Variants in FILIP1L observed in about 807,000 individuals in gnomAD.
The protein encoded by FILIP1L is filamin A interacting protein 1 like.
In FILIP1L, 55 loss-of-function variants were observed where a neutral mutation model predicts 96.6. That is an observed-to-expected ratio of 0.57 (90% CI 0.46 to 0.71). FILIP1L has a LOEUF of 0.71. Among genes scored for constraint, FILIP1L ranks in the 30% least tolerant of loss-of-function variants. The pLI is 0.00. For synonymous variants in FILIP1L, 467 were observed against 473.9 expected (o/e 0.99, Z 0.19); for missense variants, 1,304 against 1,321.2 (o/e 0.99, Z 0.20).
At chr3:99,892,941 A>G (rs1257236528) in intron 4 of FILIP1L, among the ~76,000 whole-genome samples, 1 of 152,222 alleles carries the variant, frequency 6.6e-6, no homozygotes, top group Non-Finnish European at 1.5e-5. Context: ...TTCACAAAGA[A>G]GATGAGGCCC....
At chr3:99,832,672 G>A (rs985903988) in intron 5 of FILIP1L, among the ~76,000 whole-genome samples, 1 of 148,052 alleles carries the variant, frequency 6.8e-6, no homozygotes, top group Non-Finnish European at 1.5e-5. Flanking sequence ...GTGAAACCCT[G>A]TCTCTACTGA....
chr3:99,892,790 G>A (rs1706126467), intron 4 of FILIP1L, among the ~76,000 whole-genome samples: 1 of 152,194 alleles, frequency 6.6e-6, no homozygotes, highest in Admixed American at 6.5e-5. Flanking sequence ...GAAAGAGAAT[G>A]ACATAACTAG....
intron 1 of FILIP1L, among the ~76,000 whole-genome samples, chr3:99,980,135 A>C (rs1373827962): frequency 2.6e-5 from 4 of 152,292 alleles, no homozygotes; most frequent in Middle Eastern, 3.4e-3. Context: ...CTATATAGTG[A>C]GACATGCAGT....
intron 1 of FILIP1L, among the ~76,000 whole-genome samples, chr3:99,939,372 G>A (rs145374993): frequency 4.6e-5 from 7 of 152,332 alleles, no homozygotes; most frequent in East Asian, 1.9e-4. Flanking sequence ...TCTTGCCACA[G>A]TGTAGTCCTT....
At chr3:100,094,674 CTTTTTTTTTTTTT>C (rs71132509) in intron 1 of FILIP1L, among the ~76,000 whole-genome samples, 12 of 57,010 alleles carry the variant, frequency 2.1e-4, no homozygotes, top group Admixed American at 8.1e-4. Flanking sequence ...GAAAAGCTGC[CTTTTTTTTTTTTT>C]TTTTTTTTTT....
At chr3:100,006,231 T>G (rs1473196111) in intron 1 of FILIP1L, among the ~76,000 whole-genome samples, 1 of 152,144 alleles carries the variant, frequency 6.6e-6, no homozygotes, top group Non-Finnish European at 1.5e-5. Flanking sequence ...ACCCAAACTG[T>G]TTTCCCCAGC....
chr3:99,995,380 C>A (rs1051851380), intron 1 of FILIP1L, among the ~76,000 whole-genome samples: 4 of 152,210 alleles, frequency 2.6e-5, no homozygotes, highest in Non-Finnish European at 4.4e-5. Flanking sequence ...GGCAGCTCAG[C>A]CCCTGTGGCT....
intron 5 of FILIP1L, among the ~76,000 whole-genome samples, chr3:99,846,403 A>G (rs1943366910): frequency 6.6e-6 from 1 of 152,248 alleles, no homozygotes; most frequent in South Asian, 2.1e-4. Context: ...AACTAGAAAA[A>G]GATCTCATGA....
chr3:99,883,149 T>C (rs532437875), intron 4 of FILIP1L, among the ~76,000 whole-genome samples: 5 of 152,214 alleles, frequency 3.3e-5, no homozygotes, highest in Non-Finnish European at 1.5e-5. Context: ...AACTTCAGTG[T>C]TTTATCTAAG....
chr3:99,856,484 C>G (rs1943973034), intron 4 of FILIP1L, among the ~76,000 whole-genome samples: 1 of 152,142 alleles, frequency 6.6e-6, no homozygotes, highest in African/African-American at 2.4e-5. Flanking sequence ...AGTGAATCCG[C>G]TCCAATAAAA....
intron 1 of FILIP1L, among the ~76,000 whole-genome samples, chr3:99,965,653 G>A (rs1003483607): frequency 4.6e-5 from 7 of 152,148 alleles, no homozygotes; most frequent in East Asian, 1.9e-4. Flanking sequence ...TGGCCAACTC[G>A]GAGATTCATT....
chr3:99,930,676 C>T, intron 2 of FILIP1L, 93 bp downstream of exon 2: 1 of 1,377,028 alleles, frequency 7.3e-7, no homozygotes, highest in Non-Finnish European at 1.0e-6. Flanking sequence ...CATGTATGAA[C>T]CACAGATATC....
chr3:99,876,211 C>T, intron 4 of FILIP1L: 1 of 985,404 alleles, frequency 1.0e-6, no homozygotes, highest in Non-Finnish European at 1.2e-6. Flanking sequence ...ATGGGCGTTA[C>T]GTCACTGTTC....
intron 1 of FILIP1L, among the ~76,000 whole-genome samples, chr3:100,091,362 T>C (rs2066106556): frequency 6.6e-6 from 1 of 152,144 alleles, no homozygotes. Flanking sequence ...TATGTTCACC[T>C]TCTTCTTCCA....
intron 1 of FILIP1L, among the ~76,000 whole-genome samples, chr3:99,998,487 G>A (rs1709746229): frequency 6.6e-6 from 1 of 152,158 alleles, no homozygotes; most frequent in African/African-American, 2.4e-5. Flanking sequence ...GCACAATTTG[G>A]TAAAGGGAAG....
chr3:100,074,674 G>A (rs1202656960), intron 1 of FILIP1L, among the ~76,000 whole-genome samples: 1 of 25,110 alleles, frequency 4.0e-5, no homozygotes, highest in South Asian at 1.3e-3. Flanking sequence ...TGCAACATTT[G>A]ATTTTTTTTT....
At chr3:99,885,075 C>G (rs1326259445) in intron 4 of FILIP1L, among the ~76,000 whole-genome samples, 1 of 152,192 alleles carries the variant, frequency 6.6e-6, no homozygotes, top group South Asian at 2.1e-4. Context: ...CAGCAGTCAA[C>G]TATAGGCTCA....
chr3:99,850,755 G>A lies in FILIP1L; in HGVS notation c.921C>T (p.Asp307=). ...TQTTKFHQDQ[D]TIMAKLTNED... is the part of the protein sequence containing the mutation. Reference sequence around the variant, plus strand: ...CATTGGTGAGCTTCGCCATAATTGTGTCTTGGTCTTGGTGAAACTTTGTGG... The same window carrying A: ...CATTGGTGAGCTTCGCCATAATTGTATCTTGGTCTTGGTGAAACTTTGTGG... Residue 307 remains aspartate (D), a synonymous_variant, in exon 5 of 6, where the codon GAC becomes GAT. Transcript: ENST00000477258. 6.2e-7 allele frequency: 1 copy of A among 1,614,170 alleles called. No individual in the cohort carries two copies. The highest frequency in any genetic ancestry group is 8.5e-7 in the Non-Finnish European group (1 of 1,180,022).
intron 1 of FILIP1L, among the ~76,000 whole-genome samples, chr3:100,096,395 TGTG>T (rs1193364066): frequency 6.6e-6 from 1 of 152,146 alleles, no homozygotes; most frequent in African/African-American, 2.4e-5. Context: ...ATAAAGAAAA[TGTG>T]GTACTTAAAC....
Sources: gnomAD v4.1 joint callset for allele counts (sites outside exome capture counted in the v4.1 genomes callset) on GRCh38, gnomAD v4.1.1 for gene constraint, MANE v1.5 for transcripts, NCBI Gene and HGNC (gene_info 2026-07-23, HGNC 2026-07-21) for gene names.